The following ZNF821 variants were observed in gnomAD, a reference collection of about 807,000 sequenced individuals.
ZNF821 encodes the protein zinc finger protein 821.
In ZNF821, 16 loss-of-function variants were observed where a neutral mutation model predicts 44.3. That is an observed-to-expected ratio of 0.36 (90% CI 0.24 to 0.55). ZNF821 has a LOEUF of 0.55. ZNF821 is among the 20% of genes least tolerant of loss of function. The probability of loss-of-function intolerance (pLI) is 0.86; values close to 1 mark genes in which losing one functional copy is unlikely to be tolerated. For missense variants in ZNF821, 436 were observed against 547.6 expected (o/e 0.80, Z 2.03); for synonymous variants, 204 against 197.6 (o/e 1.03, Z -0.27).
intron 4 of ZNF821, among the ~76,000 whole-genome samples, chr16:71,867,261 A>AT (rs999137805): frequency 8.6e-5 from 13 of 152,004 alleles, no homozygotes; most frequent in African/African-American, 1.9e-4. Flanking sequence ...GGAGACAGGG[A>AT]TTTTTTTTCT....
At chr16:71,868,863 C>T (rs1048125475) in intron 3 of ZNF821, among the ~76,000 whole-genome samples, 5 of 151,986 alleles carry the variant, frequency 3.3e-5, no homozygotes, top group Admixed American at 2.6e-4. Context: ...GGGGTTTCAC[C>T]GTGTTAGCCA....
chr16:71,890,027 C>G (rs2036876905), intron 1 of ZNF821, among the ~76,000 whole-genome samples: 1 of 152,134 alleles, frequency 6.6e-6, no homozygotes, highest in African/African-American at 2.4e-5. Flanking sequence ...AAATGTCAGC[C>G]TGAAATTGAG....
chr16:71,873,952 T>C (rs1303611563), intron 3 of ZNF821, among the ~76,000 whole-genome samples: 1 of 138,592 alleles, frequency 7.2e-6, no homozygotes, highest in Non-Finnish European at 1.5e-5. Context: ...CACGCCCGGC[T>C]GGAATTTTTT....
chr16:71,865,158 T>C, intron 4 of ZNF821, 110 bp from the exon 5 acceptor site: 2 of 1,362,294 alleles, frequency 1.5e-6, no homozygotes, highest in South Asian at 1.3e-5. Flanking sequence ...AGATCTTCCA[T>C]AATATAGTTT....
intron 2 of ZNF821, chr16:71,880,507 G>A (rs1360104276): frequency 6.6e-6 from 1 of 152,236 alleles, no homozygotes; most frequent in Non-Finnish European, 1.5e-5. Flanking sequence ...GGTAGCAAAG[G>A]CATCACATCC....
intron 1 of ZNF821, among the ~76,000 whole-genome samples, chr16:71,889,934 C>T (rs910806919): frequency 6.6e-6 from 1 of 152,092 alleles, no homozygotes; most frequent in African/African-American, 2.4e-5. Context: ...TCAGCCTGCA[C>T]AACAGAGCGA....
At chr16:71,864,376 G>A (rs1023638852) in intron 5 of ZNF821, 134 bp from the exon 6 acceptor site, 1 of 718,326 alleles carries the variant, frequency 1.4e-6, no homozygotes, top group Non-Finnish European at 2.4e-6. Flanking sequence ...CCCTTTGTGG[G>A]CTGAAGGAAA....
At position 71,876,126 on chromosome 16, in the gene ZNF821, C is replaced by G. The variant is rs113909248; in HGVS notation, c.40+3781G>C. ...TGTAGGTGAACACCCAACTCCTATA[C>G]TTGCCTTGTTTGTGAACCTATCATT... On this transcript the variant is annotated intron_variant, in intron 3 of 7. Transcript: ENST00000425432. 4.9e-4 allele frequency among the ~76,000 whole-genome samples: 74 copies of G among 152,334 alleles called. 1 individual carries two copies. The highest frequency in any genetic ancestry group is 1.6e-3 in the African/African-American group (68 of 41,588).
intron 3 of ZNF821, among the ~76,000 whole-genome samples, chr16:71,878,113 C>CTTT (rs59096817): frequency 8.2e-5 from 10 of 121,746 alleles, no homozygotes; most frequent in African/African-American, 2.7e-4. Context: ...AACTATTTGT[C>CTTT]TTTTTTTTTT....
chr16:71,863,355 A>C (rs1005562125), intron 6 of ZNF821, among the ~76,000 whole-genome samples: 1 of 150,750 alleles, frequency 6.6e-6, no homozygotes, highest in Non-Finnish European at 1.5e-5. Context: ...TTTATCTAAT[A>C]TATCTCATTT....
chr16:71,893,383 A>C (rs1323388661), intron 1 of ZNF821, among the ~76,000 whole-genome samples: 1 of 148,750 alleles, frequency 6.7e-6, no homozygotes, highest in Admixed American at 6.7e-5. Context: ...GCTGCTCTCC[A>C]ACTCCTGACC....
At chr16:71,861,200 C>A (rs1000743611) in intron 7 of ZNF821, among the ~76,000 whole-genome samples, 1 of 152,222 alleles carries the variant, frequency 6.6e-6, no homozygotes, top group Admixed American at 6.5e-5. Flanking sequence ...ACTGAGCCAC[C>A]TGCCACAGCA....
At position 71,860,233 on chromosome 16, in the gene ZNF821, G is replaced by T; in HGVS notation, c.1024C>A (p.Arg342=). 1.9e-6 allele frequency: 3 copies of T among 1,614,170 alleles called. No individual in the cohort carries two copies. Among genetic ancestry groups the T allele is most frequent in the Non-Finnish European group, 2.5e-6 (3 of 1,180,036 alleles). The part of the protein sequence containing the change: ...ANETPEKRQA[R]LIREREAKRL... The stretch of plus-strand genomic sequence containing the variant: ...TTGGCCTCTCGCTCTCGGATGAGCC[G>T]GGCCTGCCGCTTTTCCGGGGTTTCA... Residue 342 remains arginine, a synonymous_variant, in exon 8 of 8, where the codon CGG becomes AGG. Transcript: ENST00000425432. This position sits in a 1 kb window ranked among gnomAD's most constrained non-coding sequence, Gnocchi z 7.3.
chr16:71,875,120 G>A (rs997820957), intron 3 of ZNF821, among the ~76,000 whole-genome samples: 2 of 152,168 alleles, frequency 1.3e-5, no homozygotes, highest in South Asian at 2.1e-4. Flanking sequence ...TCACAGCCCC[G>A]CAGTAAAGGC....
chr16:71,879,969 G>T lies in ZNF821; in HGVS notation c.-23C>A. 6.2e-7 allele frequency: 1 copy of T among 1,611,202 alleles called. No homozygotes were observed. The highest frequency in any genetic ancestry group is 8.5e-7 in the Non-Finnish European group (1 of 1,178,872). ...CATGTTTCCCTGATGCAAGAGCTCT[G>T]GTCTTTCCCAGTTTCACGACTGGAT... On this transcript the variant is annotated 5_prime_UTR_variant, in exon 3 of 8. Coordinates refer to ENST00000425432, the MANE Select transcript of ZNF821 (RefSeq NM_001201552.2).
Position 71,864,974 on chromosome 16 carries a change from C to G in ZNF821, c.241G>C (p.Val81Leu). Residue 81 changes from valine to leucine, a missense_variant, in exon 5 of 8, where the codon GTG becomes CTG. By Grantham distance (32) the Val-to-Leu change is conservative (BLOSUM62 1). Transcript: ENST00000425432. ...SSHTSEEDGG[V>L]VKVEKELENT... ...TCTAACTCTTTCTCCACTTTGACCA[C>G]CCCTCCATCTTCCTCTGATGTGTGG... is the stretch of plus-strand genomic sequence containing the variant. The G allele has an allele frequency of 6.2e-7, 1 of 1,614,206 alleles. No homozygotes were observed. Among genetic ancestry groups the G allele is most frequent in the Middle Eastern group, 1.6e-4 (1 of 6,062 alleles).
exon 1 of ZNF821, chr16:71,895,079 A>G: frequency 2.4e-6 from 1 of 411,536 alleles, no homozygotes; most frequent in Non-Finnish European, 4.4e-6. Context: ...AGGCTTCGAA[A>G]CCCCCTCGGC....
At chr16:71,890,439 T>G (rs1045644020) in intron 1 of ZNF821, 2 of 151,264 alleles carry the variant, frequency 1.3e-5, no homozygotes, top group Non-Finnish European at 2.9e-5. Flanking sequence ...CAGCCTGGAG[T>G]ACAGTGGCAC....
intron 1 of ZNF821, among the ~76,000 whole-genome samples, chr16:71,892,675 G>A (rs1168991239): frequency 1.3e-5 from 2 of 149,334 alleles, no homozygotes; most frequent in Non-Finnish European, 3.0e-5. Context: ...CGGTTCAAGC[G>A]ATTCTCTTGC....
Sources: gnomAD v4.1 joint callset for allele counts (sites outside exome capture counted in the v4.1 genomes callset) on GRCh38, gnomAD v4.1.1 for gene constraint, Gnocchi (gnomAD v3.1) non-coding constraint, MANE v1.5 for transcripts, NCBI Gene and HGNC (gene_info 2026-07-23, HGNC 2026-07-21) for gene names.